The following DNM3 variants were observed in gnomAD, a reference collection of about 807,000 sequenced individuals.
DNM3 encodes the protein dynamin-3.
A neutral mutation model predicts 101.6 loss-of-function variants in DNM3; 47 were observed. That is an observed-to-expected ratio of 0.46 (90% CI 0.37 to 0.59). The LOEUF (loss-of-function observed/expected upper bound fraction) is 0.59, where lower values mean the gene tolerates loss of function less well. Among genes scored for constraint, DNM3 ranks in the 20% least tolerant of loss-of-function variants. The probability of loss-of-function intolerance (pLI) is 0.00; values close to 1 mark genes in which losing one functional copy is unlikely to be tolerated. For missense variants in DNM3, 849 were observed against 1,085.7 expected (o/e 0.78, Z 3.06); for synonymous variants, 385 against 387.9 (o/e 0.99, Z 0.09).
intron 1 of DNM3, among the ~76,000 whole-genome samples, chr1:171,860,231 T>A (rs922274993): frequency 6.6e-6 from 1 of 152,170 alleles, no homozygotes; most frequent in African/African-American, 2.4e-5. Flanking sequence ...ACTTTAAATC[T>A]ACTTTTAAAA....
intron 18 of DNM3, among the ~76,000 whole-genome samples, chr1:172,381,190 A>T (rs765418600): frequency 4.6e-5 from 7 of 151,940 alleles, no homozygotes; most frequent in Non-Finnish European, 1.0e-4. Context: ...CACCTACAGG[A>T]TATTATCCTC....
intron 2 of DNM3, among the ~76,000 whole-genome samples, chr1:171,966,646 AC>A (rs2125527042): frequency 6.6e-6 from 1 of 152,346 alleles, no homozygotes; most frequent in South Asian, 2.1e-4. Context: ...ATAGAGTCAT[AC>A]ACATTCAGAA....
chr1:172,124,927 A>G (rs922190793), intron 13 of DNM3, among the ~76,000 whole-genome samples: 5 of 152,192 alleles, frequency 3.3e-5, no homozygotes, highest in Non-Finnish European at 7.3e-5. Context: ...GGCATGCCTT[A>G]GAAACGAGTC....
chr1:172,143,960 C>T (rs2057735113), intron 14 of DNM3, among the ~76,000 whole-genome samples: 1 of 152,056 alleles, frequency 6.6e-6, no homozygotes. Flanking sequence ...CATTTAAAAA[C>T]CAGCAAGTAT....
chr1:172,331,654 AT>A (rs2066190770), intron 17 of DNM3, among the ~76,000 whole-genome samples: 1 of 152,238 alleles, frequency 6.6e-6, no homozygotes, highest in Non-Finnish European at 1.5e-5. Flanking sequence ...TATGTAGTAT[AT>A]TTAAGCACAA....
rs192033303 is a variant in DNM3, at chr1:172,352,762, T to G, written c.1894-26256T>G. ...ATACAGCTCAAAGCAATCAATACCC[T>G]GGGCCTCTGGCTTCTAATATATTAA... is the stretch of plus-strand genomic sequence containing the variant. On this transcript the variant is annotated intron_variant, in intron 17 of 20. Coordinates refer to ENST00000627582, the MANE Select transcript of DNM3 (RefSeq NM_015569.5). Among the ~76,000 whole-genome samples, 546 of 152,292 alleles carry G rather than the reference T, an allele frequency of 3.6e-3. 5 individuals carry two copies. The highest frequency in any genetic ancestry group is 6.8e-3 in the Middle Eastern group (2 of 294).
At chr1:172,153,536 C>A (rs1276790735) in intron 14 of DNM3, among the ~76,000 whole-genome samples, 1 of 152,086 alleles carries the variant, frequency 6.6e-6, no homozygotes, top group African/African-American at 2.4e-5. Context: ...CTTCTTCCTC[C>A]TCCTCTTTTC....
intron 17 of DNM3, among the ~76,000 whole-genome samples, chr1:172,336,229 T>A (rs1263564507): frequency 6.6e-6 from 1 of 152,080 alleles, no homozygotes; most frequent in Non-Finnish European, 1.5e-5. Flanking sequence ...GCATGAAGCT[T>A]AGCAAAGTTA....
intron 2 of DNM3, among the ~76,000 whole-genome samples, chr1:171,981,798 A>G (rs569727472): frequency 6.6e-6 from 1 of 152,372 alleles, no homozygotes; most frequent in East Asian, 1.9e-4. Flanking sequence ...TGTGAAAATG[A>G]AAACAGAGAA....
At chr1:172,150,753 G>T (rs2058095825) in intron 14 of DNM3, among the ~76,000 whole-genome samples, 1 of 152,136 alleles carries the variant, frequency 6.6e-6, no homozygotes, top group South Asian at 2.1e-4. Flanking sequence ...TCTGACCTCT[G>T]GTTTTCTCAT....
intron 2 of DNM3, among the ~76,000 whole-genome samples, chr1:171,962,082 T>C (rs1235196004): frequency 6.6e-6 from 1 of 152,160 alleles, no homozygotes; most frequent in Non-Finnish European, 1.5e-5. Context: ...TTGCTCAGGT[T>C]TCACTTTCTC....
intron 1 of DNM3, among the ~76,000 whole-genome samples, chr1:171,888,142 C>A (rs1389286806): frequency 6.7e-6 from 1 of 149,462 alleles, no homozygotes; most frequent in Non-Finnish European, 1.5e-5. Flanking sequence ...TATTAAGAAT[C>A]TAGGAGTTAA....
intron 17 of DNM3, among the ~76,000 whole-genome samples, chr1:172,331,777 GA>G (rs574517959): frequency 4.1e-4 from 63 of 152,170 alleles, no homozygotes; most frequent in African/African-American, 1.5e-3. Flanking sequence ...ACATATGACA[GA>G]AAAAAGTTAC....
At chr1:172,413,901 C>T (rs150621120), downstream of DNM3, among the ~76,000 whole-genome samples, 3 of 152,208 alleles carry the variant, frequency 2.0e-5, no homozygotes, top group East Asian at 1.9e-4. Context: ...ATTCTGGATG[C>T]GAATCATGCT....
intron 9 of DNM3, among the ~76,000 whole-genome samples, chr1:172,046,051 C>G (rs2049767465): frequency 6.6e-6 from 1 of 152,178 alleles, no homozygotes; most frequent in Admixed American, 6.5e-5. Flanking sequence ...CATCCCATTA[C>G]TGAGTATATA....
rs114041282 is a variant in DNM3, at chr1:172,032,116, C to T, written c.590-286C>T. On this transcript the variant is annotated intron_variant, in intron 4 of 20. Coordinates refer to ENST00000627582, the MANE Select transcript of DNM3 (RefSeq NM_015569.5). ...TGAAAATGTATAATTTCCATATATGCGTGGTACAAAAATAAACTCTTATAT... is the reference window on the plus strand; with the variant it reads ...TGAAAATGTATAATTTCCATATATGTGTGGTACAAAAATAAACTCTTATAT... 7.0e-3 allele frequency among the ~76,000 whole-genome samples: 1,060 copies of T among 152,138 alleles called. 20 individuals carry two copies. The highest frequency in any genetic ancestry group is 0.024 in the African/African-American group (999 of 41,502).
chr1:172,398,278 T>A (rs1296567955), intron 20 of DNM3, among the ~76,000 whole-genome samples: 1 of 152,206 alleles, frequency 6.6e-6, no homozygotes, highest in East Asian at 1.9e-4. Context: ...TACGCCCAAT[T>A]ATACAGAACA....
chr1:172,348,335 A>AT (rs1290022780), intron 17 of DNM3, among the ~76,000 whole-genome samples: 1 of 152,152 alleles, frequency 6.6e-6, no homozygotes, highest in Non-Finnish European at 1.5e-5. Flanking sequence ...ATGATACATA[A>AT]TAAGTAACAA....
intron 2 of DNM3, among the ~76,000 whole-genome samples, chr1:171,952,037 G>A (rs1323390436): frequency 6.6e-6 from 1 of 152,160 alleles, no homozygotes; most frequent in Non-Finnish European, 1.5e-5. Flanking sequence ...TTTGTCTGAA[G>A]ACCTCAAGTC....
Sources: allele counts gnomAD v4.1 joint callset (sites outside exome capture counted in the v4.1 genomes callset), GRCh38; gene constraint gnomAD v4.1.1; transcripts MANE v1.5; gene names NCBI Gene and HGNC (gene_info 2026-07-23, HGNC 2026-07-21).